The following C1orf115 variants were observed in gnomAD, a reference collection of about 807,000 sequenced individuals.
The protein encoded by C1orf115 is chromosome 1 open reading frame 115.
A neutral mutation model predicts 12.5 loss-of-function variants in C1orf115; 14 were observed. The observed-to-expected ratio is 1.12, with a 90% CI of 0.74 to 1.75. C1orf115 has a LOEUF of 1.75. C1orf115 is among the 40% of genes most tolerant of loss of function. C1orf115 has a pLI of 0.00. For missense variants in C1orf115, 237 were observed against 220.8 expected (o/e 1.07, Z -0.46); for synonymous variants, 109 against 104.6 (o/e 1.04, Z -0.26).
In C1orf115 at chr1:220,696,496, C is replaced by A. The variant is rs567405921; in HGVS notation, c.310-116C>A. On this transcript the variant is annotated intron_variant, in intron 1 of 1. Coordinates refer to ENST00000294889, the MANE Select transcript of C1orf115 (RefSeq NM_024709.5). ...ACTTGCTGATTTGTCACAAGAGAAT[C>A]AGGAAAAATGATCTTTATATATGTC... The A allele has an allele frequency of 7.4e-5, 91 of 1,234,096 alleles. No individual in the cohort carries two copies. In the East Asian group the frequency reaches 1.8e-3, roughly 24 times the overall value. The allele number at this position is 1,234,096 out of a possible 1,614,324, so 76.4% of individuals were successfully genotyped here.
chr1:220,692,877 T>G (rs1572268242), intron 1 of C1orf115, among the ~76,000 whole-genome samples: 1 of 152,092 alleles, frequency 6.6e-6, no homozygotes, highest in African/African-American at 2.4e-5. Context: ...TCATCTCAGG[T>G]AGAGGGGCCA....
In C1orf115 at chr1:220,696,961, C is replaced by T. The variant is rs1000608540; in HGVS notation, c.*230C>T. On this transcript the variant is annotated 3_prime_UTR_variant, in exon 2 of 2. Coordinates refer to ENST00000294889, the MANE Select transcript of C1orf115 (RefSeq NM_024709.5). ...CCAGTGGTCAATCCTGCAGAGAATT[C>T]GGCGGAGGTTAGGTTTGGGAGTGGA... 36 of 454,334 alleles carry T rather than the reference C, an allele frequency of 7.9e-5. No homozygotes were observed. Among genetic ancestry groups the T allele is most frequent in the African/African-American group, 5.3e-4 (27 of 50,746 alleles). The allele number at this position is 454,334 out of a possible 1,614,324, so 28.1% of individuals were successfully genotyped here.
chr1:220,696,880 G>C lies in C1orf115; in HGVS notation c.*149G>C. 1 of 1,019,894 alleles carries C rather than the reference G, an allele frequency of 9.8e-7. No homozygotes were observed. The highest frequency in any genetic ancestry group is 1.3e-6 in the Non-Finnish European group (1 of 745,190). The allele number at this position is 1,019,894 out of a possible 1,614,324, so 63.2% of individuals were successfully genotyped here. Reference sequence around the variant, plus strand: ...TTGTTGAATCACATTAGTATGATGAGTGAGTCATCCCTGCCCATCTGCTGA... The same window carrying C: ...TTGTTGAATCACATTAGTATGATGACTGAGTCATCCCTGCCCATCTGCTGA... On this transcript the variant is annotated 3_prime_UTR_variant, in exon 2 of 2. Transcript: ENST00000294889.
In C1orf115 at chr1:220,696,771, G is replaced by C. The variant is rs780592720; in HGVS notation, c.*40G>C. On this transcript the variant is annotated 3_prime_UTR_variant, in exon 2 of 2. Coordinates refer to ENST00000294889, the MANE Select transcript of C1orf115 (RefSeq NM_024709.5). ...GCAGGTGCCCCCAGAGTGAACGGGA[G>C]CCCCTGCTGTGGGAACTTTGTGAAT... is the stretch of plus-strand genomic sequence containing the variant. 2.3e-5 allele frequency: 35 copies of C among 1,545,364 alleles called. No individual in the cohort carries two copies. The highest frequency in any genetic ancestry group is 3.1e-5 in the Non-Finnish European group (35 of 1,131,478).
intron 1 of C1orf115, 87 bp downstream of exon 1, chr1:220,690,798 C>A: frequency 2.1e-6 from 3 of 1,445,378 alleles, no homozygotes; most frequent in Admixed American, 2.3e-5. Flanking sequence ...CATCGACTCA[C>A]CCAGTTTCTC....
At position 220,696,746 on chromosome 1, in the gene C1orf115, GCAGGTGCCCCCA is replaced by G. The variant is rs1670201241; in HGVS notation, c.*16_*27del. The G allele has an allele frequency of 6.3e-7, 1 of 1,575,290 alleles. No homozygotes were observed. Among genetic ancestry groups the G allele is most frequent in the South Asian group, 1.1e-5 (1 of 88,434 alleles). On this transcript the variant is annotated 3_prime_UTR_variant, in exon 2 of 2. Coordinates refer to ENST00000294889, the MANE Select transcript of C1orf115 (RefSeq NM_024709.5). ...TCGTGCGCTAATGGGAGCTGCTGTGGCAGGTGCCCCCAGAGTGAACGGGAGCCCCTGCTGTGG... is the reference window on the plus strand; with the variant it reads ...TCGTGCGCTAATGGGAGCTGCTGTGGGAGTGAACGGGAGCCCCTGCTGTGG...
intron 1 of C1orf115, among the ~76,000 whole-genome samples, chr1:220,693,571 C>A (rs1670144362): frequency 6.6e-6 from 1 of 152,308 alleles, no homozygotes; most frequent in East Asian, 1.9e-4. Context: ...ATGCCCCAGC[C>A]CAGTGTCTCT....
intron 1 of C1orf115, among the ~76,000 whole-genome samples, chr1:220,693,697 C>A (rs1403716585): frequency 6.6e-6 from 1 of 152,132 alleles, no homozygotes; most frequent in African/African-American, 2.4e-5. Flanking sequence ...AAACACTCAG[C>A]CTCTTTCTAC....
chr1:220,693,736 A>G (rs929506918), intron 1 of C1orf115, among the ~76,000 whole-genome samples: 37 of 152,174 alleles, frequency 2.4e-4, no homozygotes, highest in African/African-American at 7.7e-4. Context: ...TGAGCACAAC[A>G]GAGTCCCTGC....
In C1orf115 at chr1:220,690,464, G is replaced by T; in HGVS notation, c.62G>T (p.Arg21Leu). The T allele has an allele frequency of 1.4e-6, 2 of 1,440,832 alleles. No individual in the cohort carries two copies. Among genetic ancestry groups the T allele is most frequent in the Non-Finnish European group, 1.8e-6 (2 of 1,104,194 alleles). 89.3% of individuals were successfully genotyped at this position (1,440,832 alleles called of 1,614,324 possible). ...AGCAGCCTCCTGCGCCGCGGGCCCC[G>T]AGGGCGAGGGCGAACCGAGGGGGAC... The part of the protein sequence containing the change: ...AESSLLRRGP[R>L]GRGRTEGDEE... The change falls in exon 1 of 2, where the codon CGA (arginine) becomes CTA (leucine). Residue 21 changes from arginine (R) to leucine (L), a missense_variant. Physicochemically the swap from Arg to Leu is moderately radical, Grantham distance 102 (BLOSUM62 -2). Coordinates refer to ENST00000294889, the MANE Select transcript of C1orf115 (RefSeq NM_024709.5).
intron 1 of C1orf115, among the ~76,000 whole-genome samples, chr1:220,692,182 C>T (rs1572267982): frequency 6.6e-6 from 1 of 152,312 alleles, no homozygotes; most frequent in East Asian, 1.9e-4. Flanking sequence ...AACCATTGTA[C>T]ATTGCTGGTG....
chr1:220,693,599 T>A (rs576275552), intron 1 of C1orf115, among the ~76,000 whole-genome samples: 22 of 152,194 alleles, frequency 1.4e-4, no homozygotes, highest in Admixed American at 1.2e-3. Flanking sequence ...ATCAACAGGG[T>A]AATGTCCAGG....
chr1:220,692,819 A>C (rs547545023), intron 1 of C1orf115, among the ~76,000 whole-genome samples: 98 of 152,248 alleles, frequency 6.4e-4, no homozygotes, highest in Non-Finnish European at 1.2e-3. Context: ...TTTTGCCTTA[A>C]CTAAAACAAA....
At chr1:220,693,849 C>A (rs112459267) in intron 1 of C1orf115, among the ~76,000 whole-genome samples, 2 of 151,982 alleles carry the variant, frequency 1.3e-5, no homozygotes, top group South Asian at 2.1e-4. Context: ...GAGGCTGAGG[C>A]GGGTGGATCA....
At chr1:220,694,884 T>C (rs1670167921) in intron 1 of C1orf115, among the ~76,000 whole-genome samples, 1 of 151,882 alleles carries the variant, frequency 6.6e-6, no homozygotes, top group African/African-American at 2.4e-5. Flanking sequence ...GGACTGAGTA[T>C]TGAACAACAC....
chr1:220,694,798 T>TA (rs772551703), intron 1 of C1orf115, among the ~76,000 whole-genome samples: 16 of 152,128 alleles, frequency 1.1e-4, no homozygotes, highest in Non-Finnish European at 1.5e-4. Flanking sequence ...ATCTAGGAGA[T>TA]ACTTGTAGTC....
At chr1:220,690,853 C>T in intron 1 of C1orf115, 142 bp downstream of exon 1, 1 of 1,046,906 alleles carries the variant, frequency 9.6e-7, no homozygotes, top group East Asian at 3.1e-5. Flanking sequence ...CATTCCCTCG[C>T]CGGAGGGAAG....
intron 1 of C1orf115, among the ~76,000 whole-genome samples, chr1:220,695,263 G>A (rs1238039115): frequency 6.6e-6 from 1 of 152,144 alleles, no homozygotes; most frequent in African/African-American, 2.4e-5. Context: ...ACCCGAGCAT[G>A]TATGTAAGCT....
rs780592720 is a variant in C1orf115 at position 220,696,771 on chromosome 1, G to A, written c.*40G>A. 5.8e-6 allele frequency: 9 copies of A among 1,545,246 alleles called. No homozygotes were observed. The highest frequency in any genetic ancestry group is 1.2e-5 in the South Asian group (1 of 83,432). ...GCAGGTGCCCCCAGAGTGAACGGGA[G>A]CCCCTGCTGTGGGAACTTTGTGAAT... On this transcript the variant is annotated 3_prime_UTR_variant, in exon 2 of 2. Transcript: ENST00000294889.
Sources: allele counts gnomAD v4.1 joint callset (sites outside exome capture counted in the v4.1 genomes callset), GRCh38; gene constraint gnomAD v4.1.1; transcripts MANE v1.5; gene names NCBI Gene and HGNC (gene_info 2026-07-23, HGNC 2026-07-21).